KCNIP1: variants seen among roughly 807,000 people sequenced by gnomAD.
KCNIP1 encodes A-type potassium channel modulatory protein KCNIP1.
KCNIP1 carries 18 observed loss-of-function variants against 33.0 expected under a neutral mutation model. The ratio of observed to expected loss-of-function variants is 0.55; its 90% CI spans 0.38 to 0.81. The LOEUF (loss-of-function observed/expected upper bound fraction) is 0.81. Among genes scored for constraint, KCNIP1 ranks in the 30% least tolerant of loss-of-function variants. KCNIP1 has a pLI of 0.00. For missense variants in KCNIP1, 238 were observed against 271.6 expected, an observed-to-expected ratio of 0.88 and a Z score of 0.87; for synonymous variants, 93 against 98.3, an observed-to-expected ratio of 0.95 and a Z score of 0.32.
chr5:170,636,513 T>C (rs191147997), intron 1 of KCNIP1, among the ~76,000 whole-genome samples: 31 of 152,270 alleles, frequency 2.0e-4, no homozygotes, highest in Admixed American at 1.2e-3. Flanking sequence ...AAGGAGAATA[T>C]TGATTGAGCA....
At chr5:170,686,573 A>G (rs1189805313) in intron 1 of KCNIP1, among the ~76,000 whole-genome samples, 1 of 152,248 alleles carries the variant, frequency 6.6e-6, no homozygotes, top group Non-Finnish European at 1.5e-5. Flanking sequence ...GGCAGACCAC[A>G]GCAGCCCACC....
At chr5:170,689,290 C>CACA (rs2113811416) in intron 1 of KCNIP1, among the ~76,000 whole-genome samples, 1 of 152,288 alleles carries the variant, frequency 6.6e-6, no homozygotes, top group African/African-American at 2.4e-5. Context: ...AACAGTCATT[C>CACA]ACAGTCTAAT....
At chr5:170,610,910 G>T (rs1215324182) in intron 1 of KCNIP1, among the ~76,000 whole-genome samples, 1 of 152,186 alleles carries the variant, frequency 6.6e-6, no homozygotes, top group Non-Finnish European at 1.5e-5. Context: ...TGAGTACCTA[G>T]TATGTGCGGG....
intron 1 of KCNIP1, among the ~76,000 whole-genome samples, chr5:170,482,078 A>G (rs1756990087): frequency 6.6e-6 from 1 of 152,224 alleles, no homozygotes; most frequent in Non-Finnish European, 1.5e-5. Context: ...TTTGCAGTCT[A>G]TGTCTTAAAC....
At chr5:170,626,922 CTT>C (rs1759852437) in intron 1 of KCNIP1, among the ~76,000 whole-genome samples, 1 of 152,132 alleles carries the variant, frequency 6.6e-6, no homozygotes, top group Non-Finnish European at 1.5e-5. Context: ...CCCAGGCTCT[CTT>C]GCGGCTGAGC....
intron 1 of KCNIP1, chr5:170,375,353 G>A (rs550034192): frequency 6.6e-6 from 1 of 152,238 alleles, no homozygotes; most frequent in Non-Finnish European, 1.5e-5. Flanking sequence ...TTGGAAGGAA[G>A]GTCCACCAGG....
chr5:170,502,861 C>T (rs1284246992), upstream of KCNIP1, among the ~76,000 whole-genome samples: 1 of 152,106 alleles, frequency 6.6e-6, no homozygotes, highest in Non-Finnish European at 1.5e-5. Context: ...GGAAGCTCTT[C>T]CTCCACCTTC....
At chr5:170,424,160 C>T (rs1414667773) in intron 1 of KCNIP1, among the ~76,000 whole-genome samples, 1 of 152,210 alleles carries the variant, frequency 6.6e-6, no homozygotes, top group Non-Finnish European at 1.5e-5. Context: ...CTCAGACATG[C>T]TCTTGGGTTC....
chr5:170,588,559 A>C (rs1758085701), intron 1 of KCNIP1, among the ~76,000 whole-genome samples: 1 of 152,200 alleles, frequency 6.6e-6, no homozygotes. Context: ...TGGAATCAGG[A>C]GAAAGGCAGG....
chr5:170,735,937 T>A lies in KCNIP1; in HGVS notation c.*131T>A. The stretch of plus-strand genomic sequence containing the variant: ...AAACACCTTTTACACTTTGGAAGAA[T>A]TCTCTGCTGAAGACTTTCTATGGAA... On this transcript the variant is annotated 3_prime_UTR_variant, in exon 8 of 8. Coordinates refer to ENST00000328939, the MANE Select transcript of KCNIP1 (RefSeq NM_014592.4). The A allele has an allele frequency of 2.6e-6, 2 of 763,100 alleles. No homozygotes were observed. The highest frequency in any genetic ancestry group is 4.4e-6 in the Non-Finnish European group (2 of 458,220). 47.3% of individuals were successfully genotyped at this position (763,100 alleles called of 1,614,324 possible).
chr5:170,386,122 C>CAA (rs57184065), intron 1 of KCNIP1, among the ~76,000 whole-genome samples: 1,938 of 133,812 alleles, frequency 0.014, 37 homozygotes, highest in African/African-American at 0.048. Context: ...AAGACTCCGT[C>CAA]AAAAAAAAAA....
chr5:170,620,377 C>T (rs912401661), intron 1 of KCNIP1, among the ~76,000 whole-genome samples: 32 of 152,078 alleles, frequency 2.1e-4, no homozygotes, highest in African/African-American at 5.3e-4. Flanking sequence ...TAAATTAGTT[C>T]GATAAGATTT....
At chr5:170,515,185 G>A (rs1317580449) in intron 1 of KCNIP1, among the ~76,000 whole-genome samples, 3 of 152,166 alleles carry the variant, frequency 2.0e-5, no homozygotes, top group African/African-American at 4.8e-5. Flanking sequence ...TCCTAGAAGC[G>A]CCTTATGATT....
chr5:170,406,234 CG>C (rs1755036080), intron 1 of KCNIP1, among the ~76,000 whole-genome samples: 1 of 152,086 alleles, frequency 6.6e-6, no homozygotes, highest in Non-Finnish European at 1.5e-5. Context: ...ATTGGGGGTA[CG>C]TTTATGGAAA....
At chr5:170,578,910 AGAGGGAGGGCCCT>A (rs1376829493) in intron 1 of KCNIP1, among the ~76,000 whole-genome samples, 2 of 152,284 alleles carry the variant, frequency 1.3e-5, no homozygotes, top group African/African-American at 4.8e-5. Context: ...AGGAATAGCA[AGAGGGAGGGCCCT>A]GAGGTGGGAA....
At chr5:170,435,712 C>G (rs985253227) in intron 1 of KCNIP1, among the ~76,000 whole-genome samples, 3 of 152,174 alleles carry the variant, frequency 2.0e-5, no homozygotes. Flanking sequence ...CACAGGGTTA[C>G]AGGAGAAGTA....
At position 170,525,573 on chromosome 5, in the gene KCNIP1, A is replaced by G. The variant is rs183450278; in HGVS notation, c.61+20940A>G. Reference sequence around the variant, plus strand: ...GAGAACCCTACATACATCTTTGCCAATTGGCAGTTTTTCCTCTAGTTAATT... The same window carrying G: ...GAGAACCCTACATACATCTTTGCCAGTTGGCAGTTTTTCCTCTAGTTAATT... On this transcript the variant is annotated intron_variant, in intron 1 of 7. Transcript: ENST00000328939. 1.2e-4 allele frequency among the ~76,000 whole-genome samples: 18 copies of G among 152,310 alleles called. No individual in the cohort carries two copies. The East Asian group carries it at 3.3e-3, about 28-fold the overall frequency.
chr5:170,545,623 T>C (rs1254718212), intron 1 of KCNIP1, among the ~76,000 whole-genome samples: 1 of 152,228 alleles, frequency 6.6e-6, no homozygotes, highest in Non-Finnish European at 1.5e-5. Flanking sequence ...TTTAAGTCAC[T>C]GACCCTATAG....
chr5:170,716,749 TC>T (rs1156526166), intron 1 of KCNIP1, among the ~76,000 whole-genome samples: 4 of 152,214 alleles, frequency 2.6e-5, no homozygotes, highest in Non-Finnish European at 1.5e-5. Context: ...AAGTGCTGTT[TC>T]TTGAGTCGGA....
Sources: allele counts gnomAD v4.1 joint callset (sites outside exome capture counted in the v4.1 genomes callset), GRCh38; gene constraint gnomAD v4.1.1; transcripts MANE v1.5; gene names NCBI Gene and HGNC (gene_info 2026-07-23, HGNC 2026-07-21).